Variants in PPP1R37 observed in about 807,000 individuals in gnomAD.
The protein encoded by PPP1R37 is protein phosphatase 1 regulatory subunit 37, also known as leucine rich repeat containing 68.
PPP1R37 carries 21 observed loss-of-function variants against 61.0 expected under a neutral mutation model. The observed-to-expected ratio is 0.34, with a 90% confidence interval of 0.24 to 0.50. PPP1R37 has a LOEUF of 0.50. Ranked by LOEUF, PPP1R37 falls within the 20% of genes least tolerant of loss-of-function variation. The probability of loss-of-function intolerance (pLI) is 0.98; values close to 1 mark genes in which losing one functional copy is unlikely to be tolerated. For synonymous variants in PPP1R37, 443 were observed against 433.5 expected (o/e 1.02, Z -0.27); for missense variants, 910 against 952.7 (o/e 0.96, Z 0.59).
chr19:45,123,007 C>T (rs1036252468), intron 1 of PPP1R37, among the ~76,000 whole-genome samples: 8 of 152,330 alleles, frequency 5.3e-5, no homozygotes, highest in South Asian at 2.1e-4. Flanking sequence ...CTGCCAGAGA[C>T]GCCTTTTGCA....
At chr19:45,103,936 G>A (rs1968096680) in intron 1 of PPP1R37, among the ~76,000 whole-genome samples, 1 of 152,066 alleles carries the variant, frequency 6.6e-6, no homozygotes, top group South Asian at 2.1e-4. Flanking sequence ...GTAACTACAG[G>A]ACAAAGTCCA....
rs2122756241 is a variant in PPP1R37, at chr19:45,142,467, A to G, written c.874+9A>G. The G allele has an allele frequency of 6.5e-7, 1 of 1,535,362 alleles. No individual in the cohort carries two copies. The highest frequency in any genetic ancestry group is 2.4e-5 in the East Asian group (1 of 40,898). ...CCACGTGCTAGACTCGGGTGGGTGCAGTGGCCCACCCCACCCACACCCGTC... is the reference window on the plus strand; with the variant it reads ...CCACGTGCTAGACTCGGGTGGGTGCGGTGGCCCACCCCACCCACACCCGTC... On this transcript the variant is annotated intron_variant, in intron 7 of 12. Coordinates refer to ENST00000221462, the MANE Select transcript of PPP1R37 (RefSeq NM_019121.2).
intron 1 of PPP1R37, among the ~76,000 whole-genome samples, chr19:45,126,432 G>A (rs1040947962): frequency 2.6e-5 from 4 of 152,170 alleles, no homozygotes; most frequent in East Asian, 3.9e-4. Context: ...TGTTGGCGAC[G>A]GAGCAGGGAT....
intron 1 of PPP1R37, among the ~76,000 whole-genome samples, chr19:45,111,408 G>A (rs1422397419): frequency 1.3e-5 from 2 of 152,016 alleles, no homozygotes; most frequent in East Asian, 3.9e-4. Context: ...CTGAGTAGCT[G>A]GGATTACAAG....
Position 45,145,425 on chromosome 19 carries a change from C to A in PPP1R37, c.1369C>A (p.Leu457Met), listed in dbSNP as rs916262715. ...GAACGGCTGCAAGCGCAACTTGGTG[C>A]TGGCGCGGGAGAGGGAGGAGAAGGA... Reference protein sequence around the residue: ...IQNGCKRNLVLAREREEKEQP... With the variant: ...IQNGCKRNLVMAREREEKEQP... The change falls in exon 11 of 13, where the codon CTG (leucine) becomes ATG (methionine). Residue 457 changes from leucine to methionine, a missense_variant. This residue lies in a region of PPP1R37 where 549 missense variants were observed against 505.1 expected (regional missense o/e 1.09). Transcript: ENST00000221462. 2.0e-6 allele frequency: 3 copies of A among 1,535,356 alleles called. No homozygotes were observed. The highest frequency in any genetic ancestry group is 1.7e-4 in the Middle Eastern group (1 of 5,954).
chr19:45,144,557 A>C (rs1344608567), intron 8 of PPP1R37: 2 of 414,666 alleles, frequency 4.8e-6, no homozygotes, highest in Non-Finnish European at 8.5e-6. Context: ...TGGGGGCTTC[A>C]GGGCGCTCAA....
intron 1 of PPP1R37, chr19:45,099,942 G>C (rs1326116953): frequency 1.3e-5 from 2 of 152,234 alleles, no homozygotes; most frequent in Admixed American, 1.3e-4. Context: ...GCTGGCACTC[G>C]GTAACCAGCC....
At chr19:45,095,969 T>G (rs1017893004) in intron 1 of PPP1R37, among the ~76,000 whole-genome samples, 3 of 152,126 alleles carry the variant, frequency 2.0e-5, no homozygotes, top group African/African-American at 7.2e-5. Flanking sequence ...TCAGATCCTT[T>G]GAGACCTCGG....
intron 1 of PPP1R37, among the ~76,000 whole-genome samples, chr19:45,118,812 G>A (rs1255474111): frequency 6.6e-6 from 1 of 152,152 alleles, no homozygotes; most frequent in Non-Finnish European, 1.5e-5. Flanking sequence ...CGGGCCCCAG[G>A]GAGCCACCCA....
rs1467210099 is a variant in PPP1R37 at position 45,145,147 on chromosome 19, G to A, written c.1183G>A (p.Asp395Asn). The change falls in exon 10 of 13, where the codon GAC (aspartate) becomes AAC (asparagine). Residue 395 changes from aspartate (D) to asparagine (N), a missense_variant. Around this residue, in one of 3 missense-constraint regions of PPP1R37, gnomAD observed 549 missense variants for 505.1 expected, o/e 1.09. Transcript: ENST00000221462. Reference sequence around the variant, plus strand: ...TGAGAGCCCCCGCCTCCTGAGACTGGACCTTCGGGAGAACGAGATCAAGAC... The same window carrying A: ...TGAGAGCCCCCGCCTCCTGAGACTGAACCTTCGGGAGAACGAGATCAAGAC... ...IAESPRLLRL[D>N]LRENEIKTGG... 5 of 1,534,978 alleles carry A rather than the reference G, an allele frequency of 3.3e-6. No individual in the cohort carries two copies. Among genetic ancestry groups the A allele is most frequent in the Non-Finnish European group, 3.5e-6 (4 of 1,146,444 alleles).
intron 7 of PPP1R37, chr19:45,142,694 CAGG>C (rs1350646854): frequency 2.7e-5 from 15 of 545,946 alleles, no homozygotes; most frequent in Non-Finnish European, 4.5e-5. Context: ...GGAGGGCTTC[CAGG>C]AGGAGGAGAC....
chr19:45,113,868 GGTGT>G (rs2122722184), intron 1 of PPP1R37, among the ~76,000 whole-genome samples: 1 of 152,306 alleles, frequency 6.6e-6, no homozygotes, highest in South Asian at 2.1e-4. Flanking sequence ...GACAGGAGTG[GGTGT>G]GGTCAGCGTT....
intron 1 of PPP1R37, among the ~76,000 whole-genome samples, chr19:45,127,432 TG>T (rs1227848627): frequency 6.6e-6 from 1 of 151,554 alleles, no homozygotes; most frequent in East Asian, 1.9e-4. Flanking sequence ...CTAGTGCTCT[TG>T]GGCTCCACAC....
At chr19:45,103,825 C>T (rs1968094803) in intron 1 of PPP1R37, among the ~76,000 whole-genome samples, 1 of 146,884 alleles carries the variant, frequency 6.8e-6, no homozygotes, top group Non-Finnish European at 1.5e-5. Context: ...CACAGAGGTG[C>T]CAAGGCCACA....
At chr19:45,115,261 C>CT in intron 1 of PPP1R37, among the ~76,000 whole-genome samples, 1 of 152,290 alleles carries the variant, frequency 6.6e-6, no homozygotes, top group Non-Finnish European at 1.5e-5. Context: ...AGTGGCGAGG[C>CT]TGGTGGGTAG....
At chr19:45,131,845 T>C (rs1189825361) in intron 1 of PPP1R37, among the ~76,000 whole-genome samples, 1 of 152,036 alleles carries the variant, frequency 6.6e-6, no homozygotes, top group Non-Finnish European at 1.5e-5. Flanking sequence ...TGTCTCCTGC[T>C]GACTAAGCCA....
chr19:45,143,365 C>T (rs1474520903), intron 7 of PPP1R37, 156 bp from the exon 8 acceptor site: 4 of 569,236 alleles, frequency 7.0e-6, no homozygotes, highest in Admixed American at 6.1e-5. Context: ...GATGTGTGCC[C>T]AGGGGTGCCA....
intron 1 of PPP1R37, among the ~76,000 whole-genome samples, chr19:45,107,059 G>A (rs928720622): frequency 8.6e-5 from 13 of 151,528 alleles, no homozygotes; most frequent in South Asian, 4.2e-4. Context: ...CTCGTGATCC[G>A]CCCACCTTGG....
rs76699401 is a variant in PPP1R37 at position 45,144,795 on chromosome 19, C to T, written c.988-59C>T. 1.3e-3 allele frequency: 1,846 copies of T among 1,417,652 alleles called. 43 individuals carry two copies. The East Asian group carries it at 0.045, about 35-fold the overall frequency. The allele number at this position is 1,417,652 out of a possible 1,614,324, so 87.8% of individuals were successfully genotyped here. ...TTCCCGGCTTCTTTCCTGACTTGGC[C>T]TCCTGGGTCTCCTCCGCCATCACGG... On this transcript the variant is annotated intron_variant, in intron 8 of 12. Transcript: ENST00000221462.
Sources: allele counts gnomAD v4.1 joint callset (sites outside exome capture counted in the v4.1 genomes callset), GRCh38; gene constraint gnomAD v4.1.1; regional missense constraint gnomAD v4.1.1; transcripts MANE v1.5; gene names NCBI Gene and HGNC (gene_info 2026-07-23, HGNC 2026-07-21).